The following PCMTD1 variants were observed in gnomAD, a reference collection of about 807,000 sequenced individuals.
PCMTD1 encodes protein-L-isoaspartate O-methyltransferase domain-containing protein 1.
A neutral mutation model predicts 37.6 loss-of-function variants in PCMTD1; 12 were observed. That is an observed-to-expected ratio of 0.32 (90% CI 0.20 to 0.52). The LOEUF (loss-of-function observed/expected upper bound fraction) is 0.52, where lower values mean the gene tolerates loss of function less well. Ranked by LOEUF, PCMTD1 falls within the 20% of genes least tolerant of loss-of-function variation. The pLI, the probability that PCMTD1 is intolerant of heterozygous loss-of-function variation, is 0.97. For synonymous variants in PCMTD1, 117 were observed against 135.8 expected (o/e 0.86, Z 0.96); for missense variants, 235 against 421.3 (o/e 0.56, Z 3.87).
chr8:51,818,113 ATATTCT>A lies in PCMTD1; in HGVS notation c.*2232_*2237del. 2.8e-6 allele frequency: 1 copy of A among 356,350 alleles called. No individual in the cohort carries two copies. The highest frequency in any genetic ancestry group is 7.6e-5 in the East Asian group (1 of 13,242). The allele number at this position is 356,350 out of a possible 1,614,324, so 22.1% of individuals were successfully genotyped here. ...ATTAAAAAATAAACACAAACCCAAA[ATATTCT>A]TATTCTAATATATCTGCATTAATAG... On this transcript the variant is annotated 3_prime_UTR_variant, in exon 6 of 6. Transcript: ENST00000522514.
At chr8:51,839,002 G>A (rs1243814924) in intron 3 of PCMTD1, among the ~76,000 whole-genome samples, 2 of 151,994 alleles carry the variant, frequency 1.3e-5, no homozygotes, top group African/African-American at 2.4e-5. Context: ...AATGGTTGGC[G>A]TGTTCCTTCC....
chr8:51,835,622 AATTT>A (rs1365622475), intron 3 of PCMTD1, among the ~76,000 whole-genome samples: 2 of 152,190 alleles, frequency 1.3e-5, no homozygotes, highest in Non-Finnish European at 2.9e-5. Context: ...ATTTTATAAT[AATTT>A]ATTTCAACCT....
chr8:51,854,835 C>G (rs1480063502), intron 2 of PCMTD1, among the ~76,000 whole-genome samples: 1 of 151,096 alleles, frequency 6.6e-6, no homozygotes, highest in African/African-American at 2.4e-5. Flanking sequence ...GGAGATGGCA[C>G]CACTGCACTC....
At chr8:51,881,233 AAG>A (rs2129292185) in intron 1 of PCMTD1, among the ~76,000 whole-genome samples, 2 of 136,178 alleles carry the variant, frequency 1.5e-5, no homozygotes, top group East Asian at 4.2e-4. Context: ...TTACTTAAGA[AAG>A]AAATCCAGTG....
rs575447134 is a variant in PCMTD1, at chr8:51,863,872, A to C, written c.-95-2626T>G. On this transcript the variant is annotated intron_variant, in intron 1 of 5. Coordinates refer to ENST00000522514, the MANE Select transcript of PCMTD1 (RefSeq NM_052937.4). ...AACTTGGGAGGCAGAGATTGCAGTGAGCTGAGTTTGCACCACTGCACTCCA... is the reference window on the plus strand; with the variant it reads ...AACTTGGGAGGCAGAGATTGCAGTGCGCTGAGTTTGCACCACTGCACTCCA... Among the ~76,000 whole-genome samples the C allele has an allele frequency of 2.2e-4, 33 of 151,664 alleles. 1 individual carries two copies. The South Asian group carries it at 5.6e-3, about 26-fold the overall frequency.
intron 2 of PCMTD1, among the ~76,000 whole-genome samples, chr8:51,857,866 T>C (rs777216933): frequency 4.6e-5 from 7 of 152,108 alleles, no homozygotes; most frequent in African/African-American, 7.2e-5. Flanking sequence ...ACCACGCGTG[T>C]TGGTACTACC....
chr8:51,825,360 T>C (rs945127086), intron 5 of PCMTD1, among the ~76,000 whole-genome samples: 3 of 150,980 alleles, frequency 2.0e-5, no homozygotes, highest in African/African-American at 7.3e-5. Flanking sequence ...AACAACCCCA[T>C]CAAAAAGTGG....
At chr8:51,852,356 T>A (rs1204110021) in intron 2 of PCMTD1, among the ~76,000 whole-genome samples, 1 of 152,236 alleles carries the variant, frequency 6.6e-6, no homozygotes, top group African/African-American at 2.4e-5. Flanking sequence ...ATGTCTTGAT[T>A]TTTAAAATAG....
intron 1 of PCMTD1, among the ~76,000 whole-genome samples, chr8:51,879,685 T>C (rs2038764883): frequency 6.6e-6 from 1 of 152,130 alleles, no homozygotes; most frequent in African/African-American, 2.4e-5. Context: ...TGTATCTCAT[T>C]TCAGGTAGAG....
At chr8:51,865,708 C>T (rs1432728257) in intron 1 of PCMTD1, among the ~76,000 whole-genome samples, 2 of 152,050 alleles carry the variant, frequency 1.3e-5, no homozygotes, top group East Asian at 3.9e-4. Context: ...GAAAATCCCA[C>T]AACAAACATA....
chr8:51,840,851 C>T (rs2038138133), intron 3 of PCMTD1, among the ~76,000 whole-genome samples: 2 of 152,076 alleles, frequency 1.3e-5, no homozygotes, highest in African/African-American at 4.8e-5. Flanking sequence ...AAAATTCATG[C>T]CATAGGCAAG....
At chr8:51,885,273 A>G (rs998742203) in intron 1 of PCMTD1, among the ~76,000 whole-genome samples, 50 of 152,138 alleles carry the variant, frequency 3.3e-4, no homozygotes, top group African/African-American at 1.1e-3. Flanking sequence ...GGCGGGGAGG[A>G]TATCTTCGCT....
chr8:51,890,238 C>T (rs2038918741), intron 1 of PCMTD1, among the ~76,000 whole-genome samples: 1 of 152,026 alleles, frequency 6.6e-6, no homozygotes, highest in African/African-American at 2.4e-5. Context: ...AAAGTCAAGC[C>T]TATTAAAAAC....
intron 2 of PCMTD1, among the ~76,000 whole-genome samples, chr8:51,853,428 G>C (rs1563347421): frequency 1.3e-5 from 2 of 151,024 alleles, no homozygotes; most frequent in Non-Finnish European, 3.0e-5. Flanking sequence ...CTCCTACACA[G>C]GGAGATAGAG....
chr8:51,888,381 T>C (rs1027970968), intron 1 of PCMTD1, among the ~76,000 whole-genome samples: 1 of 152,164 alleles, frequency 6.6e-6, no homozygotes, highest in Non-Finnish European at 1.5e-5. Flanking sequence ...ATGACTTTTG[T>C]GTATCACAAA....
intron 5 of PCMTD1, chr8:51,827,455 C>G: frequency 2.5e-6 from 1 of 393,840 alleles, no homozygotes; most frequent in Non-Finnish European, 5.0e-6. Context: ...TGCATGCTAT[C>G]CTGCCTGGGA....
intron 1 of PCMTD1, among the ~76,000 whole-genome samples, chr8:51,885,331 G>A (rs2038850301): frequency 6.6e-6 from 1 of 152,146 alleles, no homozygotes; most frequent in East Asian, 1.9e-4. Context: ...TGTGTTAAGA[G>A]AGCTGTCACA....
At chr8:51,834,632 T>C (rs2038042235) in intron 3 of PCMTD1, among the ~76,000 whole-genome samples, 1 of 152,146 alleles carries the variant, frequency 6.6e-6, no homozygotes, top group African/African-American at 2.4e-5. Context: ...TAATTCATAT[T>C]AAAAGGTTTA....
chr8:51,891,531 G>A lies in PCMTD1; in HGVS notation c.-96+7399C>T, dbSNP rs535115811. ...AGATCGCACTACTGCACTCCAGGCT[G>A]GGTGACACAGCGAGGCCCTGTCTCA... On this transcript the variant is annotated intron_variant, in intron 1 of 5. Transcript: ENST00000522514. 1.1e-4 allele frequency among the ~76,000 whole-genome samples: 17 copies of A among 151,984 alleles called. No homozygotes were observed. In the East Asian group the frequency reaches 3.3e-3, roughly 29 times the overall value.
Sources: gnomAD v4.1 joint callset for allele counts (sites outside exome capture counted in the v4.1 genomes callset) on GRCh38, gnomAD v4.1.1 for gene constraint, MANE v1.5 for transcripts, NCBI Gene and HGNC (gene_info 2026-07-23, HGNC 2026-07-21) for gene names.